Variants in TRIP11 observed in about 807,000 individuals in gnomAD.
The protein encoded by TRIP11 is thyroid hormone receptor interactor 11, also known as thyroid receptor-interacting protein 11.
In TRIP11, 148 loss-of-function variants were observed where a neutral mutation model predicts 223.1. That is an observed-to-expected ratio of 0.66 (90% confidence interval 0.58 to 0.76). The LOEUF is 0.76. Among genes scored for constraint, TRIP11 ranks in the 30% least tolerant of loss-of-function variants. The pLI is 0.00. For synonymous variants in TRIP11, 762 were observed against 772.6 expected (o/e 0.99, Z 0.23); for missense variants, 2,043 against 2,222.0 (o/e 0.92, Z 1.62).
At chr14:92,015,958 G>T (rs2057030852) in intron 5 of TRIP11, 97 bp from the exon 6 acceptor site, 1 of 1,185,108 alleles carries the variant, frequency 8.4e-7, no homozygotes, top group African/African-American at 1.5e-5. Context: ...TTATTAAAAA[G>T]AATTCTCAGA....
rs765781942 is a variant in TRIP11, at chr14:92,021,534, ACT to A, written c.588+20_588+21del. On this transcript the variant is annotated intron_variant, in intron 4 of 20. Transcript: ENST00000267622. Reference sequence around the variant, plus strand: ...GTAATTTTACTCAAAGTTTTCAAAAACTCTAAAAAATTTTTATCTACCTGAGC... The same window carrying A: ...GTAATTTTACTCAAAGTTTTCAAAAACTAAAAAATTTTTATCTACCTGAGC... The A allele has an allele frequency of 6.2e-7, 1 of 1,612,988 alleles. No individual in the cohort carries two copies. The highest frequency in any genetic ancestry group is 1.7e-5 in the Admixed American group (1 of 59,912).
intron 16 of TRIP11, among the ~76,000 whole-genome samples, chr14:91,981,012 ATTTTT>A (rs564098716): frequency 0.016 from 819 of 49,784 alleles, 8 homozygotes; most frequent in South Asian, 0.059. Flanking sequence ...ATATATATAT[ATTTTT>A]TTTTTTTTTT....
At chr14:91,974,468 T>C (rs368793374) in intron 19 of TRIP11, among the ~76,000 whole-genome samples, 159 bp downstream of exon 19, 2 of 152,202 alleles carry the variant, frequency 1.3e-5, no homozygotes, top group African/African-American at 4.8e-5. Context: ...TGGCTTGTTA[T>C]CCTTAAGCTT....
Position 92,015,839 on chromosome 14 carries a change from T to C in TRIP11, c.680A>G (p.Gln227Arg). The change falls in exon 6 of 21, where the codon CAG becomes CGG. Residue 227 changes from glutamine (Q) to arginine (R), a missense_variant. Coordinates refer to ENST00000267622, the MANE Select transcript of TRIP11 (RefSeq NM_004239.4). ...IIKELKQNRS[Q>R]EIDDHQHEMS... ...TTCATGTTGATGGTCATCAATTTCC[T>C]GACTTCGGTTCTGTTTTAGTTCCTT... 1.2e-6 allele frequency: 2 copies of C among 1,612,332 alleles called. No individual in the cohort carries two copies.
rs2056441998 is a variant in TRIP11, at chr14:91,974,674, C to T, written c.5527G>A (p.Val1843Ile). The stretch of plus-strand genomic sequence containing the variant: ...TTTGGTCTCAAAGGTGTGTTGGGAA[C>T]ACTTTTTGATCCTCCTCCAAGCCAC... ...TGWLGGGSKSVPNTPLRPNQQ... is the reference protein window; with the variant it reads ...TGWLGGGSKSIPNTPLRPNQQ... The change falls in exon 19 of 21, where the codon GTT becomes ATT. Residue 1843 changes from valine to isoleucine, a missense_variant. Val to Ile is a conservative substitution (Grantham distance 29, BLOSUM62 3). Transcript: ENST00000267622. 1 of 1,612,564 alleles carries T rather than the reference C, an allele frequency of 6.2e-7. No individual in the cohort carries two copies. Among genetic ancestry groups the T allele is most frequent in the Non-Finnish European group, 8.5e-7 (1 of 1,179,928 alleles).
intron 16 of TRIP11, among the ~76,000 whole-genome samples, chr14:91,981,798 C>T (rs183710322): frequency 6.6e-6 from 1 of 152,312 alleles, no homozygotes; most frequent in African/African-American, 2.4e-5. Context: ...TAATTGTTCA[C>T]TGCTGAGTGA....
intron 4 of TRIP11, among the ~76,000 whole-genome samples, chr14:92,020,121 G>C (rs182475500): frequency 2.0e-5 from 3 of 151,848 alleles, no homozygotes; most frequent in Non-Finnish European, 4.4e-5. Context: ...GTGTGGTGGC[G>C]GGCGCCTGTA....
intron 1 of TRIP11, among the ~76,000 whole-genome samples, chr14:92,035,160 A>AC: frequency 6.6e-6 from 1 of 151,638 alleles, no homozygotes; most frequent in African/African-American, 2.4e-5. Context: ...CAAAAAAAAA[A>AC]AAACTGGCCA....
chr14:91,987,487 CT>C (rs1216431696), intron 16 of TRIP11, among the ~76,000 whole-genome samples: 1 of 152,076 alleles, frequency 6.6e-6, no homozygotes, highest in Admixed American at 6.6e-5. Context: ...TTGCTTATTT[CT>C]AATTTCATGT....
intron 9 of TRIP11, among the ~76,000 whole-genome samples, chr14:92,008,206 A>G (rs2056929385): frequency 6.6e-6 from 1 of 152,146 alleles, no homozygotes; most frequent in Non-Finnish European, 1.5e-5. Context: ...CCCACCTACC[A>G]TACATACATA....
intron 1 of TRIP11, among the ~76,000 whole-genome samples, 195 bp from the exon 2 acceptor site, chr14:92,033,448 C>A (rs1595414288): frequency 6.6e-6 from 1 of 152,194 alleles, no homozygotes; most frequent in Admixed American, 6.5e-5. Flanking sequence ...TCATAAAAGT[C>A]ATTCTTTTTG....
At chr14:92,021,388 CAAA>C (rs35038594) in intron 4 of TRIP11, among the ~76,000 whole-genome samples, 165 bp downstream of exon 4, 9 of 109,496 alleles carry the variant, frequency 8.2e-5, no homozygotes, top group East Asian at 2.6e-4. Context: ...GATTCTGTCT[CAAA>C]AAAAAAAAAA....
chr14:92,025,038 A>G (rs1413090190), intron 3 of TRIP11, among the ~76,000 whole-genome samples: 9 of 152,208 alleles, frequency 5.9e-5, no homozygotes, highest in Non-Finnish European at 1.2e-4. Flanking sequence ...ATCCCTAAAG[A>G]TATTTTATAC....
At chr14:92,014,940 G>A (rs2057016997) in intron 6 of TRIP11, among the ~76,000 whole-genome samples, 1 of 138,408 alleles carries the variant, frequency 7.2e-6, no homozygotes, top group Non-Finnish European at 1.5e-5. Flanking sequence ...GTCTCACTCT[G>A]TTGCCCAGGC....
intron 13 of TRIP11, 132 bp from the exon 14 acceptor site, chr14:91,995,647 G>A (rs1279265131): frequency 2.0e-5 from 18 of 883,862 alleles, no homozygotes; most frequent in Admixed American, 5.6e-5. Flanking sequence ...ACAGAGTCTC[G>A]CTCTGTCACC....
At chr14:91,994,079 A>G (rs1251596755) in intron 14 of TRIP11, among the ~76,000 whole-genome samples, 167 bp from the exon 15 acceptor site, 1 of 152,190 alleles carries the variant, frequency 6.6e-6, no homozygotes, top group Non-Finnish European at 1.5e-5. Context: ...TAATGAGATC[A>G]CTTTCCTCTG....
At chr14:91,999,744 G>A (rs1357285942) in intron 12 of TRIP11, among the ~76,000 whole-genome samples, 2 of 151,926 alleles carry the variant, frequency 1.3e-5, no homozygotes, top group Non-Finnish European at 1.5e-5. Context: ...CACACTTTAT[G>A]GGTGGGCAAT....
intron 19 of TRIP11, among the ~76,000 whole-genome samples, chr14:91,973,445 T>C (rs2056424788): frequency 6.6e-6 from 1 of 152,214 alleles, no homozygotes; most frequent in Non-Finnish European, 1.5e-5. Flanking sequence ...TGATAATACT[T>C]ATTTTTCTTG....
intron 9 of TRIP11, among the ~76,000 whole-genome samples, chr14:92,010,297 G>A (rs1052984393): frequency 4.6e-5 from 7 of 152,150 alleles, no homozygotes; most frequent in East Asian, 1.9e-4. Context: ...TTGGGAGGCC[G>A]AGGTGGGCAG....
Sources: gnomAD v4.1 joint callset for allele counts (sites outside exome capture counted in the v4.1 genomes callset) on GRCh38, gnomAD v4.1.1 for gene constraint, MANE v1.5 for transcripts, NCBI Gene and HGNC (gene_info 2026-07-23, HGNC 2026-07-21) for gene names.